The following PCDHA4 variants were observed in gnomAD, a reference collection of about 807,000 sequenced individuals.
The protein encoded by PCDHA4 is protocadherin alpha 4, also known as protocadherin alpha-4.
Under a neutral mutation model 61.4 loss-of-function variants are expected in PCDHA4, and 49 were observed. The ratio of observed to expected loss-of-function variants is 0.80; its 90% CI spans 0.63 to 1.01. The LOEUF (loss-of-function observed/expected upper bound fraction) is 1.01. Among genes scored for constraint, PCDHA4 ranks in the 50% least tolerant of loss-of-function variants. The probability of loss-of-function intolerance (pLI) is 0.00; values close to 1 mark genes in which losing one functional copy is unlikely to be tolerated. For missense variants in PCDHA4, 1,254 were observed against 1,235.8 expected (o/e 1.01, Z -0.22); for synonymous variants, 590 against 550.3 (o/e 1.07, Z -1.01).
intron 1 of PCDHA4, among the ~76,000 whole-genome samples, chr5:140,976,433 C>T (rs2096716122): frequency 6.6e-6 from 1 of 152,036 alleles, no homozygotes; most frequent in South Asian, 2.1e-4. Context: ...TGCCTGTAAT[C>T]CCAGCTACTA....
intron 1 of PCDHA4, chr5:140,848,677 C>T: frequency 6.3e-7 from 1 of 1,592,256 alleles, no homozygotes; most frequent in Non-Finnish European, 8.6e-7. Context: ...GAGCTGGTGC[C>T]GCGCCTGTTC....
intron 1 of PCDHA4, chr5:140,858,198 C>T (rs1418909754): frequency 1.9e-6 from 3 of 1,597,294 alleles, no homozygotes; most frequent in African/African-American, 2.7e-5. Flanking sequence ...CTGCTGTACA[C>T]TGCACTGAGG....
intron 1 of PCDHA4, chr5:140,830,251 GCTGCGGTGCTCGGCGCCAC>G (rs2150183529): frequency 6.0e-5 from 97 of 1,613,774 alleles, no homozygotes; most frequent in Middle Eastern, 1.6e-4. Context: ...TGTACACAGC[GCTGCGGTGCTCGGCGCCAC>G]CCACCGAGGG....
intron 1 of PCDHA4, among the ~76,000 whole-genome samples, chr5:140,941,192 TTTC>T (rs1447153939): frequency 7.0e-5 from 7 of 99,658 alleles, no homozygotes; most frequent in Admixed American, 1.0e-4. Flanking sequence ...CTTCTTTTTT[TTTC>T]TTTCTTCCTT....
intron 3 of PCDHA4, among the ~76,000 whole-genome samples, chr5:141,003,371 G>A (rs782012251): frequency 2.0e-5 from 3 of 152,148 alleles, no homozygotes; most frequent in African/African-American, 7.2e-5. Flanking sequence ...GAGTGCAGTG[G>A]TGCAATCTCA....
At chr5:140,869,098 T>C (rs1581867822) in intron 1 of PCDHA4, 7 of 1,596,122 alleles carry the variant, frequency 4.4e-6, no homozygotes, top group Non-Finnish European at 5.1e-6. Flanking sequence ...GCCAATTTCG[T>C]ATGCGATGTT....
chr5:140,850,783 G>T, intron 1 of PCDHA4: 1 of 1,598,172 alleles, frequency 6.3e-7, no homozygotes, highest in Non-Finnish European at 8.6e-7. Context: ...TCTGGCGAGG[G>T]TAAGCAGAAG....
At chr5:140,829,536 C>T (rs1554132056) in intron 1 of PCDHA4, 1 of 1,613,152 alleles carries the variant, frequency 6.2e-7, no homozygotes, top group Non-Finnish European at 8.5e-7. Context: ...GCGCGAGACG[C>T]GGACGCGCAG....
At position 141,009,759 on chromosome 5, in the gene PCDHA4, G is replaced by T. The variant is rs200822345; in HGVS notation, c.2666G>T (p.Gly889Val). The change falls in exon 4 of 4, where the codon GGA becomes GTA. Residue 889 changes from glycine to valine, a missense_variant. By Grantham distance (109) the Gly-to-Val change is moderately radical. Transcript: ENST00000530339. ...GELPDKFIIP[G>V]SPAIISIRQE... ...TTGCCCGACAAATTCATTATCCCAG[G>T]ATCTCCTGCAATCATCTCCATCCGG... The T allele has an allele frequency of 6.7e-5, 108 of 1,614,082 alleles. 1 individual carries two copies. The East Asian group carries it at 2.2e-3, about 33-fold the overall frequency.
In PCDHA4 at chr5:140,875,548, G is replaced by A. The variant is rs782463775; in HGVS notation, c.2385+65976G>A. On this transcript the variant is annotated intron_variant, in intron 1 of 3. Coordinates refer to ENST00000530339, the MANE Select transcript of PCDHA4 (RefSeq NM_018907.4). ...GCTTCTGCTCCTTGCAGCCTGGGAG[G>A]TGGGGAGCGGCCAGCTCCACTACTC... 24 of 1,614,054 alleles carry A rather than the reference G, an allele frequency of 1.5e-5. 1 individual carries two copies. The Admixed American group carries it at 3.5e-4, about 24-fold the overall frequency.
At chr5:140,972,917 C>T (rs1279060017) in intron 1 of PCDHA4, among the ~76,000 whole-genome samples, 1 of 152,074 alleles carries the variant, frequency 6.6e-6, no homozygotes, top group Non-Finnish European at 1.5e-5. Context: ...CCGCCTTGGC[C>T]TCCCAAAGTG....
chr5:140,932,712 A>G (rs1025750078), intron 1 of PCDHA4, among the ~76,000 whole-genome samples: 4 of 151,972 alleles, frequency 2.6e-5, no homozygotes, highest in African/African-American at 9.6e-5. Context: ...AGACAACACA[A>G]TAATATTGTA....
rs1554225842 is a variant in PCDHA4 at position 140,962,164 on chromosome 5, C to T, written c.2386-16785C>T. Among the ~76,000 whole-genome samples the T allele has an allele frequency of 2.0e-5, 3 of 152,236 alleles. No individual in the cohort carries two copies. In the South Asian group the frequency reaches 6.2e-4, roughly 32 times the overall value. On this transcript the variant is annotated intron_variant, in intron 1 of 3. Transcript: ENST00000530339. ...TGCTGGGATTACAGGCGTGAGCCAC[C>T]ACACCCGGCCACTTATATCACTTTT...
intron 1 of PCDHA4, chr5:140,871,442 A>C: frequency 6.2e-7 from 1 of 1,611,276 alleles, no homozygotes; most frequent in African/African-American, 1.3e-5. Flanking sequence ...CTAGGTCTGA[A>C]TAAAGAGGAG....
rs782071598 is a variant in PCDHA4 at position 140,883,785 on chromosome 5, G to C, written c.2385+74213G>C. On this transcript the variant is annotated intron_variant, in intron 1 of 3. Coordinates refer to ENST00000530339, the MANE Select transcript of PCDHA4 (RefSeq NM_018907.4). ...CGGGTGGGCGAGCGTGCGCTGTCGA[G>C]CTACGTGTCGGTGCACGCGGAGAGC... The C allele has an allele frequency of 1.3e-5, 21 of 1,612,402 alleles. No individual in the cohort carries two copies. In the East Asian group the frequency reaches 4.0e-4, roughly 31 times the overall value.
intron 1 of PCDHA4, chr5:140,824,242 G>C (rs2150133483): frequency 1.3e-6 from 2 of 1,484,408 alleles, no homozygotes; most frequent in Non-Finnish European, 1.9e-6. Flanking sequence ...AAATATTGTG[G>C]TACACAATTA....
Position 140,809,071 on chromosome 5 carries a change from T to G in PCDHA4, c.1884T>G (p.Thr628=), listed in dbSNP as rs1472268420. ...ARIPFRVGLY[T]GEISTTRALD... ...TCCCGTTCCGCGTGGGGCTGTACAC[T>G]GGCGAGATCAGCACAACGCGTGCCC... Residue 628 remains threonine, a synonymous_variant, in exon 1 of 4, where the codon ACT becomes ACG. Transcript: ENST00000530339. 11 of 1,613,780 alleles carry G rather than the reference T, an allele frequency of 6.8e-6. No individual in the cohort carries two copies. The African/African-American group carries it at 1.2e-4, about 18-fold the overall frequency.
chr5:140,927,904 C>T, intron 1 of PCDHA4: 5 of 1,614,202 alleles, frequency 3.1e-6, no homozygotes, highest in Non-Finnish European at 4.2e-6. Flanking sequence ...CGATCATGCC[C>T]CCGAACTGGA....
intron 1 of PCDHA4, among the ~76,000 whole-genome samples, chr5:140,965,664 ATAAATG>A (rs1251201552): frequency 1.3e-5 from 2 of 152,254 alleles, no homozygotes; most frequent in Non-Finnish European, 2.9e-5. Flanking sequence ...GTCTTGGGTG[ATAAATG>A]TAAAAGATTT....
Sources: allele counts gnomAD v4.1 joint callset (sites outside exome capture counted in the v4.1 genomes callset), GRCh38; gene constraint gnomAD v4.1.1; transcripts MANE v1.5; gene names NCBI Gene and HGNC (gene_info 2026-07-23, HGNC 2026-07-21).